TACR1: variants seen among roughly 807,000 people sequenced by gnomAD.
TACR1 encodes the protein tachykinin receptor 1.
Under a neutral mutation model 35.8 loss-of-function variants are expected in TACR1, and 25 were observed. That is an observed-to-expected ratio of 0.70 (90% confidence interval 0.51 to 0.98). TACR1 has a LOEUF of 0.98. Among genes scored for constraint, TACR1 ranks in the 50% least tolerant of loss-of-function variants. TACR1 has a pLI of 0.00. For synonymous variants in TACR1, 195 were observed against 206.7 expected (o/e 0.94, Z 0.48); for missense variants, 478 against 522.9 (o/e 0.91, Z 0.84).
At chr2:75,098,829 A>G (rs1205955628) in intron 2 of TACR1, among the ~76,000 whole-genome samples, 8 of 151,802 alleles carry the variant, frequency 5.3e-5, no homozygotes, top group African/African-American at 1.9e-4. Context: ...AAATTTTAGG[A>G]ATGTTCTTTT....
intron 2 of TACR1, among the ~76,000 whole-genome samples, chr2:75,073,691 C>G (rs1178987075): frequency 2.0e-5 from 3 of 152,176 alleles, no homozygotes; most frequent in African/African-American, 7.2e-5. Context: ...CAGGAGGCTC[C>G]TCTGTCTGGA....
At chr2:75,049,827 T>C in intron 4 of TACR1, 104 bp from the exon 5 acceptor site, 2 of 1,287,740 alleles carry the variant, frequency 1.6e-6, no homozygotes, top group Non-Finnish European at 2.1e-6. Flanking sequence ...CCAAGCGTGA[T>C]TCTGTTATTG....
At chr2:75,187,804 A>G (rs1476932992) in intron 1 of TACR1, 1 of 152,194 alleles carries the variant, frequency 6.6e-6, no homozygotes, top group Non-Finnish European at 1.5e-5. Flanking sequence ...AACCAACAAA[A>G]ACGAGGGAAA....
At chr2:75,094,287 T>G (rs924737380) in intron 2 of TACR1, among the ~76,000 whole-genome samples, 2 of 152,152 alleles carry the variant, frequency 1.3e-5, no homozygotes, top group Admixed American at 6.5e-5. Context: ...ACTCTTTGAA[T>G]TAAAATAAAG....
At chr2:75,052,557 G>T (rs74826781) in intron 3 of TACR1, among the ~76,000 whole-genome samples, 1 of 140,376 alleles carries the variant, frequency 7.1e-6, no homozygotes, top group African/African-American at 2.6e-5. Flanking sequence ...AAGTACCAAA[G>T]AAAAAAAAAA....
chr2:75,184,585 G>C (rs1256019642), intron 1 of TACR1, among the ~76,000 whole-genome samples: 1 of 151,782 alleles, frequency 6.6e-6, no homozygotes, highest in East Asian at 1.9e-4. Flanking sequence ...TATTAAGATA[G>C]CTGGTTTCAA....
At chr2:75,155,648 A>C (rs11126454) in intron 1 of TACR1, among the ~76,000 whole-genome samples, 2 of 152,032 alleles carry the variant, frequency 1.3e-5, no homozygotes. Context: ...AAAATCACCA[A>C]TTACCCTCCA....
At chr2:75,182,221 A>G (rs887406068) in intron 1 of TACR1, among the ~76,000 whole-genome samples, 1 of 152,204 alleles carries the variant, frequency 6.6e-6, no homozygotes, top group African/African-American at 2.4e-5. Flanking sequence ...CTTTTTATTC[A>G]GGAAGAGACG....
At chr2:75,117,698 A>T (rs761510211) in intron 2 of TACR1, among the ~76,000 whole-genome samples, 39 of 152,334 alleles carry the variant, frequency 2.6e-4, no homozygotes, top group Middle Eastern at 3.4e-3. Flanking sequence ...CCTACCAAAC[A>T]TCCTAGTTTA....
chr2:75,092,155 G>A (rs762876547), intron 2 of TACR1, among the ~76,000 whole-genome samples: 7 of 152,148 alleles, frequency 4.6e-5, no homozygotes, highest in Admixed American at 6.5e-5. Context: ...GTAGGGTGAC[G>A]TAAGAGAGGG....
intron 2 of TACR1, among the ~76,000 whole-genome samples, chr2:75,116,164 G>A (rs548123011): frequency 6.6e-6 from 1 of 152,178 alleles, no homozygotes; most frequent in African/African-American, 2.4e-5. Context: ...GAGTGCAGTG[G>A]AGTGACCTCA....
chr2:75,123,102 GA>G (rs958214271), intron 1 of TACR1, among the ~76,000 whole-genome samples: 1 of 152,230 alleles, frequency 6.6e-6, no homozygotes, highest in African/African-American at 2.4e-5. Flanking sequence ...GTCATGGCCA[GA>G]ACCTCTTTGA....
chr2:75,140,679 G>A (rs567492200), intron 1 of TACR1, among the ~76,000 whole-genome samples: 3 of 152,308 alleles, frequency 2.0e-5, no homozygotes, highest in South Asian at 4.1e-4. Context: ...CATCCTGAGG[G>A]CATGCTGCCC....
At chr2:75,067,907 A>G (rs1672798763) in intron 2 of TACR1, among the ~76,000 whole-genome samples, 1 of 152,182 alleles carries the variant, frequency 6.6e-6, no homozygotes, top group South Asian at 2.1e-4. Flanking sequence ...CAAAGTGCCA[A>G]GTAAAGTCAC....
At chr2:75,089,023 T>G (rs746641063) in intron 2 of TACR1, among the ~76,000 whole-genome samples, 16 of 152,238 alleles carry the variant, frequency 1.1e-4, no homozygotes, top group Middle Eastern at 3.4e-3. Flanking sequence ...TCCATCTGAT[T>G]ATAGTGGTTT....
chr2:75,057,472 T>C (rs1386082943), intron 2 of TACR1, among the ~76,000 whole-genome samples: 1 of 152,204 alleles, frequency 6.6e-6, no homozygotes, highest in East Asian at 1.9e-4. Flanking sequence ...TCTCTTCACA[T>C]GGACGCGAGT....
chr2:75,047,135 CT>C lies in TACR1; in HGVS notation c.*2296del, dbSNP rs1277010905. 6.6e-6 allele frequency: 1 copy of C among 152,244 alleles called. No homozygotes were observed. Among genetic ancestry groups the C allele is most frequent in the East Asian group, 1.9e-4 (1 of 5,198 alleles). 9.4% of individuals were successfully genotyped at this position (152,244 alleles called of 1,614,324 possible). A position where few individuals can be genotyped will look rare whatever the true frequency, so the allele number is the denominator to read the frequency against. On this transcript the variant is annotated 3_prime_UTR_variant, in exon 5 of 5. Coordinates refer to ENST00000305249, the MANE Select transcript of TACR1 (RefSeq NM_001058.4). ...CCGGACCACCCAACATTCCCTCTTACTATGCACAGAGATGATACTGTTCAAC... is the reference window on the plus strand; with the variant it reads ...CCGGACCACCCAACATTCCCTCTTACATGCACAGAGATGATACTGTTCAAC...
At chr2:75,146,096 A>G (rs775675382) in intron 1 of TACR1, among the ~76,000 whole-genome samples, 15 of 152,190 alleles carry the variant, frequency 9.9e-5, no homozygotes, top group South Asian at 2.1e-4. Flanking sequence ...AAGGCATAAA[A>G]CCAGGAGAGA....
In TACR1 at chr2:75,154,526, A is replaced by ACACACTCTCT. The variant is rs1379600710; in HGVS notation, c.390-33759_390-33758insAGAGAGTGTG. 19 of 117,216 alleles carry ACACACTCTCT rather than the reference A, an allele frequency of 1.6e-4. 1 individual carries two copies. The highest frequency in any genetic ancestry group is 7.6e-4 in the African/African-American group (17 of 22,338). 7.3% of individuals were successfully genotyped at this position (117,216 alleles called of 1,614,324 possible). Reference sequence around the variant, plus strand: ...CACACACACACACACACACACACACACTCTCTGAAGAAACCCAGTGGAGAT... The same window carrying ACACACTCTCT: ...CACACACACACACACACACACACACACACACTCTCTCTCTCTGAAGAAACCCAGTGGAGAT... On this transcript the variant is annotated intron_variant, in intron 1 of 4. Transcript: ENST00000305249.
Sources: allele counts gnomAD v4.1 joint callset (sites outside exome capture counted in the v4.1 genomes callset), GRCh38; gene constraint gnomAD v4.1.1; transcripts MANE v1.5; gene names NCBI Gene and HGNC (gene_info 2026-07-23, HGNC 2026-07-21).